The following ECM2 variants were observed in gnomAD, a reference collection of about 807,000 sequenced individuals.
ECM2 encodes the protein extracellular matrix protein 2.
In ECM2, 57 loss-of-function variants were observed where a neutral mutation model predicts 67.5. The observed-to-expected ratio is 0.84, with a 90% CI of 0.68 to 1.05. The LOEUF (loss-of-function observed/expected upper bound fraction) is 1.05. Ranked by LOEUF, ECM2 falls within the 50% of genes least tolerant of loss-of-function variation. The pLI is 0.00. For missense variants in ECM2, 741 were observed against 822.8 expected (o/e 0.90, Z 1.22); for synonymous variants, 258 against 294.5 (o/e 0.88, Z 1.27).
intron 8 of ECM2, among the ~76,000 whole-genome samples, chr9:92,501,303 G>C (rs1394876835): frequency 6.6e-6 from 1 of 152,094 alleles, no homozygotes; most frequent in Non-Finnish European, 1.5e-5. Flanking sequence ...TCAAAGACTA[G>C]GAGGGAAAAA....
At chr9:92,499,753 T>A (rs948183794) in intron 9 of ECM2, among the ~76,000 whole-genome samples, 2 of 152,220 alleles carry the variant, frequency 1.3e-5, no homozygotes, top group African/African-American at 4.8e-5. Context: ...TTTGTCTTTG[T>A]AGGCATTTAG....
intron 1 of ECM2, among the ~76,000 whole-genome samples, chr9:92,533,699 G>C (rs1848998929): frequency 6.6e-6 from 1 of 151,970 alleles, no homozygotes; most frequent in Non-Finnish European, 1.5e-5. Flanking sequence ...TTTTCTCAGA[G>C]AATGTTGTAA....
At chr9:92,544,646 T>C in the ECM2 span, among the ~76,000 whole-genome samples, 18 of 151,300 alleles carry the variant, frequency 1.2e-4, no homozygotes, top group Non-Finnish European at 2.5e-4. Flanking sequence ...GCAAGACTGA[T>C]GCATGAAAAA....
Position 92,514,818 on chromosome 9 carries a change from C to T in ECM2, c.867G>A (p.Glu289=). ...ACATATCTCCTCTTACCGGGTCCTC[C>T]TCGTCCTCCTCATCCTCCTCACCCT... ...GEEGEEDEED[E]EDPVRGDMFR... Residue 289 remains glutamate (E), a synonymous_variant, in exon 4 of 10, where the codon GAG becomes GAA. Transcript: ENST00000344604. 6.2e-7 allele frequency: 1 copy of T among 1,613,276 alleles called. No homozygotes were observed. The highest frequency in any genetic ancestry group is 1.3e-5 in the African/African-American group (1 of 74,964).
At chr9:92,500,621 A>AT (rs999331068) in intron 9 of ECM2, 106 bp downstream of exon 9, 1,076 of 1,161,128 alleles carry the variant, frequency 9.3e-4, no homozygotes, top group Middle Eastern at 1.1e-3. Context: ...CCTTAGCACC[A>AT]TTTTTTTTTC....
intron 1 of ECM2, among the ~76,000 whole-genome samples, chr9:92,523,448 C>T (rs1175525730): frequency 1.3e-5 from 2 of 152,054 alleles, no homozygotes; most frequent in African/African-American, 2.4e-5. Context: ...ACCCAAAGCC[C>T]TGTGGCAACA....
intron 8 of ECM2, 114 bp downstream of exon 8, chr9:92,502,398 GC>G (rs1449284754): frequency 7.8e-7 from 1 of 1,286,052 alleles, no homozygotes; most frequent in Admixed American, 2.3e-5. Context: ...CTGTCTCCGA[GC>G]CCTTCAGTAT....
intron 1 of ECM2, among the ~76,000 whole-genome samples, chr9:92,530,624 G>A (rs1238907840): frequency 6.6e-6 from 1 of 152,052 alleles, no homozygotes; most frequent in Non-Finnish European, 1.5e-5. Context: ...TTATCATTAG[G>A]TGGATACTTT....
In ECM2 at chr9:92,522,653, A is replaced by G; in HGVS notation, c.214T>C (p.Phe72Leu). Residue 72 changes from phenylalanine to leucine, a missense_variant, in exon 2 of 10, where the codon TTT becomes CTT. By Grantham distance (22) the Phe-to-Leu change is conservative. Coordinates refer to ENST00000344604, the MANE Select transcript of ECM2 (RefSeq NM_001393.4). The part of the protein sequence containing the change: ...TPVARLPIVN[F>L]DYSMEEKFES... ...AACTTTTCCTCCATGCTATAATCAA[A>G]GTTAACAATAGGAAGTCTTGCTACT... is the stretch of plus-strand genomic sequence containing the variant. The G allele has an allele frequency of 6.2e-7, 1 of 1,614,024 alleles. No individual in the cohort carries two copies.
At chr9:92,546,767 A>G in the ECM2 span, among the ~76,000 whole-genome samples, 14 of 152,226 alleles carry the variant, frequency 9.2e-5, no homozygotes, top group Non-Finnish European at 2.9e-5. Flanking sequence ...TAGTAAATTG[A>G]TATATTTAGA....
intron 5 of ECM2, among the ~76,000 whole-genome samples, chr9:92,511,228 C>T (rs984793380): frequency 6.6e-6 from 1 of 152,068 alleles, no homozygotes; most frequent in African/African-American, 2.4e-5. Flanking sequence ...CGAATTCAAG[C>T]GATTCTCCTG....
chr9:92,542,490 C>T, the ECM2 span, among the ~76,000 whole-genome samples: 10 of 145,326 alleles, frequency 6.9e-5, no homozygotes, highest in Non-Finnish European at 1.5e-4. Flanking sequence ...AGCATTTCCC[C>T]TATGTTTTCT....
the ECM2 span, among the ~76,000 whole-genome samples, chr9:92,554,056 G>C: frequency 6.6e-6 from 1 of 152,248 alleles, no homozygotes; most frequent in East Asian, 1.9e-4. Context: ...GTCGTAGATG[G>C]CTTTTATTAC....
upstream of ECM2, chr9:92,538,982 T>C (rs1849252706): frequency 6.6e-6 from 1 of 152,172 alleles, no homozygotes; most frequent in Non-Finnish European, 1.5e-5. Flanking sequence ...ATATGACAGC[T>C]TTGTAGATAT....
chr9:92,554,795 G>A, the ECM2 span, among the ~76,000 whole-genome samples: 3 of 151,866 alleles, frequency 2.0e-5, no homozygotes, highest in Non-Finnish European at 2.9e-5. Flanking sequence ...CTGCCACTGC[G>A]CCCGGCTTAT....
rs538808572 is a variant in ECM2, at chr9:92,498,097, A to G, written c.1932-1614T>C. Among the ~76,000 whole-genome samples, 14 of 152,306 alleles carry G rather than the reference A, an allele frequency of 9.2e-5. No individual in the cohort carries two copies. The South Asian group carries it at 2.5e-3, about 27-fold the overall frequency. ...TATAAATTACCCAGCCTTGGGCATTACTTTATAGCATCAGAATTGGACTAA... is the reference window on the plus strand; with the variant it reads ...TATAAATTACCCAGCCTTGGGCATTGCTTTATAGCATCAGAATTGGACTAA... On this transcript the variant is annotated intron_variant, in intron 9 of 9. Coordinates refer to ENST00000344604, the MANE Select transcript of ECM2 (RefSeq NM_001393.4).
rs966790795 is a variant in ECM2 at position 92,497,877 on chromosome 9, A to T, written c.1932-1394T>A. Among the ~76,000 whole-genome samples, 6 of 57,162 alleles carry T rather than the reference A, an allele frequency of 1.0e-4. No individual in the cohort carries two copies. In the African/African-American group the frequency reaches 1.1e-3, roughly 11 times the overall value. The allele number at this position is 57,162 out of a possible 152,430, so 37.5% of individuals were successfully genotyped here. A position where few individuals can be genotyped will look rare whatever the true frequency, so the allele number is the denominator to read the frequency against. On this transcript the variant is annotated intron_variant, in intron 9 of 9. Coordinates refer to ENST00000344604, the MANE Select transcript of ECM2 (RefSeq NM_001393.4). ...ATTCCCATAAGAGCTGGTTGTTTAA[A>T]AAAAAAAAAAAAAAAAGAAGTCTGG...
chr9:92,535,334 A>T lies in ECM2; in HGVS notation c.-28+599T>A, dbSNP rs978418148. On this transcript the variant is annotated intron_variant, in intron 1 of 9. Transcript: ENST00000344604. The stretch of plus-strand genomic sequence containing the variant: ...CTTTGCACTTAATATTTGCTTTCAT[A>T]AACAACTTCGTAATTGAGTGTTTGC... 6.4e-4 allele frequency among the ~76,000 whole-genome samples: 98 copies of T among 152,340 alleles called. 1 individual carries two copies. The highest frequency in any genetic ancestry group is 2.3e-3 in the African/African-American group (96 of 41,578).
At chr9:92,546,392 C>G in the ECM2 span, among the ~76,000 whole-genome samples, 1 of 152,182 alleles carries the variant, frequency 6.6e-6, no homozygotes, top group Non-Finnish European at 1.5e-5. Context: ...CTTGCTGCTG[C>G]TCACTCTTTG....
Sources: allele counts gnomAD v4.1 joint callset (sites outside exome capture counted in the v4.1 genomes callset), GRCh38; gene constraint gnomAD v4.1.1; transcripts MANE v1.5; gene names NCBI Gene and HGNC (gene_info 2026-07-23, HGNC 2026-07-21).